The following GABRG3 variants were observed in gnomAD, a reference collection of about 807,000 sequenced individuals.
The protein encoded by GABRG3 is gamma-aminobutyric acid receptor subunit gamma-3.
A neutral mutation model predicts 48.8 loss-of-function variants in GABRG3; 25 were observed. That is an observed-to-expected ratio of 0.51 (90% CI 0.37 to 0.72). The LOEUF is 0.72. GABRG3 is among the 30% of genes least tolerant of loss of function. The probability of loss-of-function intolerance (pLI) is 0.00; values close to 1 mark genes in which losing one functional copy is unlikely to be tolerated. For missense variants in GABRG3, 394 were observed against 577.9 expected, an observed-to-expected ratio of 0.68 and a Z score of 3.26; for synonymous variants, 227 against 217.6, an observed-to-expected ratio of 1.04 and a Z score of -0.38.
At chr15:27,004,367 G>T (rs186246678) in intron 2 of GABRG3, among the ~76,000 whole-genome samples, 1 of 151,038 alleles carries the variant, frequency 6.6e-6, no homozygotes, top group Non-Finnish European at 1.5e-5. Context: ...GGGCAGAGAC[G>T]CTCCTCACTT....
intron 6 of GABRG3, among the ~76,000 whole-genome samples, chr15:27,508,478 A>C (rs1890813592): frequency 1.3e-5 from 2 of 152,194 alleles, no homozygotes; most frequent in Non-Finnish European, 2.9e-5. Flanking sequence ...TATAAACATA[A>C]AATATATTGT....
intron 3 of GABRG3, among the ~76,000 whole-genome samples, chr15:27,094,559 C>G (rs1262464650): frequency 1.3e-5 from 2 of 152,152 alleles, no homozygotes; most frequent in Non-Finnish European, 2.9e-5. Context: ...GGCACAGATT[C>G]CTGGGGCTCA....
intron 3 of GABRG3, among the ~76,000 whole-genome samples, chr15:27,083,545 C>T (rs1246899036): frequency 6.6e-6 from 1 of 152,028 alleles, no homozygotes. Context: ...CCAGGATGGT[C>T]TCGATCTCCT....
intron 3 of GABRG3, among the ~76,000 whole-genome samples, chr15:27,074,630 C>A (rs1896881576): frequency 6.6e-6 from 1 of 150,916 alleles, no homozygotes; most frequent in South Asian, 2.1e-4. Flanking sequence ...TGAATATATT[C>A]CATAGCATTT....
intron 3 of GABRG3, among the ~76,000 whole-genome samples, chr15:27,099,900 CT>C (rs1433929993): frequency 6.6e-6 from 1 of 152,060 alleles, no homozygotes; most frequent in Non-Finnish European, 1.5e-5. Flanking sequence ...AGACTTTTAA[CT>C]AATAAATTTG....
At chr15:27,257,814 A>ATTT (rs60790753) in intron 3 of GABRG3, among the ~76,000 whole-genome samples, 1 of 142,804 alleles carries the variant, frequency 7.0e-6, no homozygotes, top group Admixed American at 7.0e-5. Flanking sequence ...ACACGTGGCT[A>ATTT]TTTTTTTTTT....
Position 27,279,350 on chromosome 15 carries a change from T to G in GABRG3, c.271-47459T>G, listed in dbSNP as rs911822763. ...TAGCTCTTCACCTTGCTAAACATCTTGAAGATTTTCTCTTAGGTTTTCTTC... is the reference window on the plus strand; with the variant it reads ...TAGCTCTTCACCTTGCTAAACATCTGGAAGATTTTCTCTTAGGTTTTCTTC... On this transcript the variant is annotated intron_variant, in intron 3 of 9. Transcript: ENST00000615808. Among the ~76,000 whole-genome samples the G allele has an allele frequency of 1.6e-4, 25 of 152,348 alleles. No individual in the cohort carries two copies. In the East Asian group the frequency reaches 4.6e-3, roughly 28 times the overall value.
chr15:27,213,359 T>C (rs1441465514), intron 3 of GABRG3, among the ~76,000 whole-genome samples: 6 of 152,242 alleles, frequency 3.9e-5, no homozygotes, highest in Non-Finnish European at 7.3e-5. Flanking sequence ...CTCCTCATTC[T>C]GTAAAACAGA....
At chr15:26,972,076 G>T (rs945074365) in intron 1 of GABRG3, among the ~76,000 whole-genome samples, 1 of 152,058 alleles carries the variant, frequency 6.6e-6, no homozygotes, top group Non-Finnish European at 1.5e-5. Context: ...GGCAGGCGCG[G>T]GGGGATTGGA....
intron 3 of GABRG3, among the ~76,000 whole-genome samples, chr15:27,271,924 C>T (rs1224371820): frequency 6.6e-6 from 1 of 152,174 alleles, no homozygotes; most frequent in Non-Finnish European, 1.5e-5. Context: ...CATTCTGGGG[C>T]CCTGGGTGGT....
chr15:27,369,496 G>T (rs1028489612), intron 5 of GABRG3, among the ~76,000 whole-genome samples: 1 of 152,170 alleles, frequency 6.6e-6, no homozygotes, highest in African/African-American at 2.4e-5. Flanking sequence ...AATATCTTTG[G>T]TGTATGAACA....
intron 5 of GABRG3, among the ~76,000 whole-genome samples, chr15:27,439,738 C>T (rs4778228): frequency 9.2e-4 from 140 of 152,294 alleles, no homozygotes; most frequent in Admixed American, 8.2e-3. Context: ...TAGCTGCAGG[C>T]ACGTTCTATT....
intron 3 of GABRG3, among the ~76,000 whole-genome samples, chr15:27,325,727 T>C (rs1893590905): frequency 6.6e-6 from 1 of 152,090 alleles, no homozygotes; most frequent in Non-Finnish European, 1.5e-5. Flanking sequence ...GCATACTCAG[T>C]GAAGCAAAGA....
chr15:27,393,086 C>T (rs1175878606), intron 5 of GABRG3, among the ~76,000 whole-genome samples: 2 of 152,142 alleles, frequency 1.3e-5, no homozygotes, highest in Non-Finnish European at 2.9e-5. Context: ...TGGCTCATGC[C>T]TGTAATCCGA....
intron 3 of GABRG3, among the ~76,000 whole-genome samples, chr15:27,259,768 G>T (rs1160022616): frequency 6.6e-6 from 1 of 152,166 alleles, no homozygotes; most frequent in Non-Finnish European, 1.5e-5. Flanking sequence ...ATTTACAATG[G>T]AGACAAGATA....
intron 3 of GABRG3, among the ~76,000 whole-genome samples, chr15:27,254,888 C>CACAG (rs3068395): frequency 0.64 from 96,687 of 150,590 alleles, 31,879 homozygotes; most frequent in Non-Finnish European, 0.71. Context: ...GAGAGACAGA[C>CACAG]ACAGACAGAC....
At chr15:27,105,019 T>C (rs1306772426) in intron 3 of GABRG3, among the ~76,000 whole-genome samples, 2 of 152,266 alleles carry the variant, frequency 1.3e-5, no homozygotes, top group African/African-American at 4.8e-5. Context: ...ATGACTCAAC[T>C]ATATGCTGTT....
intron 5 of GABRG3, among the ~76,000 whole-genome samples, chr15:27,386,041 G>A (rs993661886): frequency 3.3e-5 from 5 of 152,150 alleles, no homozygotes; most frequent in Admixed American, 3.3e-4. Flanking sequence ...GCAATGTTTT[G>A]TTTGTTTACT....
In GABRG3 at chr15:27,050,133, A is replaced by G. The variant is rs1216675069; in HGVS notation, c.270+23312A>G. Among the ~76,000 whole-genome samples, 3 of 152,226 alleles carry G rather than the reference A, an allele frequency of 2.0e-5. No individual in the cohort carries two copies. In the East Asian group the frequency reaches 5.8e-4, roughly 29 times the overall value. On this transcript the variant is annotated intron_variant, in intron 3 of 9. Coordinates refer to ENST00000615808, the MANE Select transcript of GABRG3 (RefSeq NM_033223.5). ...CGTTCTGATACCTATGTATATGCAG[A>G]TTCTAAAGTGAGATTTAGTCTCTAT...
Sources: gnomAD v4.1 joint callset for allele counts (sites outside exome capture counted in the v4.1 genomes callset) on GRCh38, gnomAD v4.1.1 for gene constraint, MANE v1.5 for transcripts, NCBI Gene and HGNC (gene_info 2026-07-23, HGNC 2026-07-21) for gene names.